NDRG1: variants seen among roughly 807,000 people sequenced by gnomAD.
NDRG1 encodes protein NDRG1.
In NDRG1, 32 loss-of-function variants were observed where a neutral mutation model predicts 56.9. The ratio of observed to expected loss-of-function variants is 0.56; its 90% confidence interval spans 0.42 to 0.76. NDRG1 has a LOEUF of 0.76. Among genes scored for constraint, NDRG1 ranks in the 30% least tolerant of loss-of-function variants. The pLI is 0.00. For synonymous variants in NDRG1, 211 were observed against 204.1 expected (o/e 1.03, Z -0.29); for missense variants, 507 against 545.7 (o/e 0.93, Z 0.71).
rs1234675222 is a variant in NDRG1 at position 133,258,940 on chromosome 8, T to C, written c.389+228A>G. 57 of 602,112 alleles carry C rather than the reference T, an allele frequency of 9.5e-5. 1 individual carries two copies. Among genetic ancestry groups the C allele is most frequent in the South Asian group, 9.3e-4 (48 of 51,610 alleles). The allele number at this position is 602,112 out of a possible 1,614,324, so 37.3% of individuals were successfully genotyped here. A position where few individuals can be genotyped will look rare whatever the true frequency, so the allele number is the denominator to read the frequency against. On this transcript the variant is annotated intron_variant, in intron 6 of 15. Coordinates refer to ENST00000323851, the MANE Select transcript of NDRG1 (RefSeq NM_006096.4). ...CAAATGGGTGGGGCAGCTGCCATCA[T>C]GCAATATAACATTCACGCAAGAGGA... is the stretch of plus-strand genomic sequence containing the variant.
At chr8:133,254,485 C>T in intron 9 of NDRG1, 54 bp downstream of exon 9, 1 of 1,597,668 alleles carries the variant, frequency 6.3e-7, no homozygotes, top group Non-Finnish European at 8.6e-7. Context: ...TGCTGAGCAC[C>T]ACACAATGCC....
intron 1 of NDRG1, among the ~76,000 whole-genome samples, chr8:133,287,932 T>TGCGTGCACACAC (rs1858210285): frequency 6.7e-6 from 1 of 149,152 alleles, no homozygotes; most frequent in South Asian, 2.1e-4. Flanking sequence ...ATCTAGTGCA[T>TGCGTGCACACAC]GCGTGCACAC....
At chr8:133,265,716 C>T (rs1372743189) in intron 3 of NDRG1, among the ~76,000 whole-genome samples, 4 of 152,134 alleles carry the variant, frequency 2.6e-5, no homozygotes, top group Non-Finnish European at 4.4e-5. Context: ...AAAAGGCACC[C>T]TGCCTTGGTT....
Position 133,242,188 on chromosome 8 carries a change from A to G in NDRG1, c.892-114T>C, listed in dbSNP as rs2233345. The G allele has an allele frequency of 6.8e-4, 724 of 1,059,258 alleles. 5 individuals carry two copies. The African/African-American group carries it at 0.01, about 15-fold the overall frequency. 65.6% of individuals were successfully genotyped at this position (1,059,258 alleles called of 1,614,324 possible). A position where few individuals can be genotyped will look rare whatever the true frequency, so the allele number is the denominator to read the frequency against. The stretch of plus-strand genomic sequence containing the variant: ...ATTTGAGAGTTTGGCTCAAGACAAA[A>G]GCCATCACGTGTTGACAGGACAAAA... On this transcript the variant is annotated intron_variant, in intron 14 of 15. Transcript: ENST00000323851.
intron 7 of NDRG1, among the ~76,000 whole-genome samples, chr8:133,257,153 A>G (rs1856419837): frequency 6.6e-6 from 1 of 152,212 alleles, no homozygotes; most frequent in South Asian, 2.1e-4. Context: ...ACGGAGGCTC[A>G]GCTTCTCCAG....
In NDRG1 at chr8:133,280,219, A is replaced by G; in HGVS notation, c.99+13T>C. ...GATGAGGAAGGGGAAGGAAAGCCAC[A>G]TCCTCTACTTGCCTGGACATCAAAC... On this transcript the variant is annotated intron_variant, in intron 3 of 15. Coordinates refer to ENST00000323851, the MANE Select transcript of NDRG1 (RefSeq NM_006096.4). 1 of 1,613,994 alleles carries G rather than the reference A, an allele frequency of 6.2e-7. No individual in the cohort carries two copies. Among genetic ancestry groups the G allele is most frequent in the Non-Finnish European group, 8.5e-7 (1 of 1,179,878 alleles).
rs1855156511 is a variant in NDRG1 at position 133,238,038 on chromosome 8, C to T, written c.*840G>A. The T allele has an allele frequency of 4.3e-6, 1 of 233,006 alleles. No homozygotes were observed. The highest frequency in any genetic ancestry group is 8.5e-6 in the Non-Finnish European group (1 of 117,976). 14.4% of individuals were successfully genotyped at this position (233,006 alleles called of 1,614,324 possible). A position where few individuals can be genotyped will look rare whatever the true frequency, so the allele number is the denominator to read the frequency against. ...GCAAAACAAATCTAAATGATCTTCT[C>T]CCTGAACAAGAATAATCACTGGCTC... On this transcript the variant is annotated 3_prime_UTR_variant, in exon 16 of 16. Transcript: ENST00000323851.
chr8:133,260,505 CTGGGGG>C (rs1430516513), intron 5 of NDRG1, among the ~76,000 whole-genome samples: 1 of 152,182 alleles, frequency 6.6e-6, no homozygotes, highest in African/African-American at 2.4e-5. Flanking sequence ...ATAAAAATTC[CTGGGGG>C]TGGGGCTCAG....
chr8:133,268,313 A>C (rs1286939150), intron 3 of NDRG1, among the ~76,000 whole-genome samples: 1 of 152,138 alleles, frequency 6.6e-6, no homozygotes, highest in African/African-American at 2.4e-5. Context: ...CTCCCTCCTG[A>C]TAAGACCCCC....
intron 1 of NDRG1, chr8:133,288,250 C>T (rs1278792705): frequency 2.6e-5 from 4 of 152,342 alleles, no homozygotes; most frequent in African/African-American, 9.7e-5. Flanking sequence ...GCCAGCTGTC[C>T]TGAGCTCACC....
intron 4 of NDRG1, 62 bp downstream of exon 4, chr8:133,264,485 G>T: frequency 2.0e-6 from 3 of 1,479,498 alleles, no homozygotes; most frequent in East Asian, 2.3e-5. Flanking sequence ...CTTCTCGGCT[G>T]CCTTTTTCCG....
rs139790285 is a variant in NDRG1, at chr8:133,258,225, CCA to C, written c.450+139_450+140del. 0.23 allele frequency: 134,221 copies of C among 592,346 alleles called. 4,001 individuals are homozygous for C. The highest frequency in any genetic ancestry group is 0.35 in the South Asian group (14,094 of 40,082). 36.7% of individuals were successfully genotyped at this position (592,346 alleles called of 1,614,324 possible). A position where few individuals can be genotyped will look rare whatever the true frequency, so the allele number is the denominator to read the frequency against. ...ATATATATATACGAGTACCCATGCA[CCA>C]CACACACACACACACACAACTGTGG... On this transcript the variant is annotated intron_variant, in intron 7 of 15. Coordinates refer to ENST00000323851, the MANE Select transcript of NDRG1 (RefSeq NM_006096.4).
intron 11 of NDRG1, 126 bp from the exon 12 acceptor site, chr8:133,248,052 G>T: frequency 1.2e-6 from 1 of 863,462 alleles, no homozygotes; most frequent in Non-Finnish European, 2.0e-6. Context: ...AACACCCTTT[G>T]CTCTTTTACT....
rs1288867157 is a variant in NDRG1, at chr8:133,250,928, A to T, written c.595-385T>A. 2.0e-5 allele frequency among the ~76,000 whole-genome samples: 3 copies of T among 147,754 alleles called. No homozygotes were observed. The South Asian group carries it at 6.5e-4, about 32-fold the overall frequency. The stretch of plus-strand genomic sequence containing the variant: ...TCTCTTAAAAAAAAAAAAAAAAAAA[A>T]GGGAAGAGAGAGAATGTTGCCTACT... On this transcript the variant is annotated intron_variant, in intron 9 of 15. Coordinates refer to ENST00000323851, the MANE Select transcript of NDRG1 (RefSeq NM_006096.4).
chr8:133,277,142 C>T (rs1423873465), intron 3 of NDRG1, among the ~76,000 whole-genome samples: 2 of 152,184 alleles, frequency 1.3e-5, no homozygotes, highest in Admixed American at 1.3e-4. Flanking sequence ...TGTATGACTG[C>T]ACTTGTATGA....
intron 3 of NDRG1, 118 bp from the exon 4 acceptor site, chr8:133,264,770 T>A: frequency 1.2e-6 from 1 of 846,390 alleles, no homozygotes; most frequent in Non-Finnish European, 2.0e-6. Flanking sequence ...CATCTGGCCA[T>A]AAGAGCCCCG....
intron 2 of NDRG1, chr8:133,281,131 CG>C (rs35747337): frequency 0.3 from 46,229 of 151,828 alleles, 8,572 homozygotes; most frequent in African/African-American, 0.5. Context: ...CTGAGGCAGG[CG>C]GGATCACCTG....
At chr8:133,294,862 C>T (rs1285646724) in intron 1 of NDRG1, among the ~76,000 whole-genome samples, 2 of 152,236 alleles carry the variant, frequency 1.3e-5, no homozygotes, top group Non-Finnish European at 1.5e-5. Context: ...AATTTCCTTT[C>T]GCCCCTCCAT....
chr8:133,283,186 C>A (rs917177241), intron 2 of NDRG1, among the ~76,000 whole-genome samples: 3 of 152,220 alleles, frequency 2.0e-5, no homozygotes, highest in African/African-American at 7.2e-5. Context: ...ACTTCCTCCT[C>A]TACAAAATGA....
Sources: gnomAD v4.1 joint callset for allele counts (sites outside exome capture counted in the v4.1 genomes callset) on GRCh38, gnomAD v4.1.1 for gene constraint, MANE v1.5 for transcripts, NCBI Gene and HGNC (gene_info 2026-07-23, HGNC 2026-07-21) for gene names.